Variants in KDM2A observed in about 807,000 individuals in gnomAD.
The protein encoded by KDM2A is lysine demethylase 2A.
A neutral mutation model predicts 137.3 loss-of-function variants in KDM2A; 3 were observed. The observed-to-expected ratio is 0.02, with a 90% CI of 0.01 to 0.06. KDM2A has a LOEUF of 0.06. KDM2A is among the 10% of genes least tolerant of loss of function. The pLI, the probability that KDM2A is intolerant of heterozygous loss-of-function variation, is 1.00. For missense variants in KDM2A, 738 were observed against 1,510.6 expected (o/e 0.49, Z 8.48); for synonymous variants, 512 against 541.5 (o/e 0.95, Z 0.76).
In KDM2A at chr11:67,255,243, C is replaced by T. The variant is rs375833360; in HGVS notation, c.*188C>T. 3.5e-4 allele frequency: 213 copies of T among 601,756 alleles called. 6 individuals are homozygous for T. The South Asian group carries it at 4.0e-3, about 11-fold the overall frequency. The allele number at this position is 601,756 out of a possible 1,614,324, so 37.3% of individuals were successfully genotyped here. On this transcript the variant is annotated 3_prime_UTR_variant, in exon 21 of 21. Coordinates refer to ENST00000529006, the MANE Select transcript of KDM2A (RefSeq NM_012308.3). The stretch of plus-strand genomic sequence containing the variant: ...TGGACACCAGGCTTATCTGCCTGCT[C>T]CTCTCCCTCCTAAGGAAAAGGGAGT...
chr11:67,186,805 T>C (rs1375338785), intron 5 of KDM2A, among the ~76,000 whole-genome samples: 2 of 152,204 alleles, frequency 1.3e-5, no homozygotes, highest in African/African-American at 4.8e-5. Flanking sequence ...TAGTGGTATA[T>C]GCCTGTAATC....
intron 2 of KDM2A, among the ~76,000 whole-genome samples, chr11:67,178,620 A>C (rs1211077776): frequency 6.6e-6 from 1 of 152,132 alleles, no homozygotes; most frequent in Non-Finnish European, 1.5e-5. Context: ...TAGACATTTT[A>C]TTTAAATGAA....
chr11:67,203,524 TAATA>T (rs1210197327), intron 5 of KDM2A, among the ~76,000 whole-genome samples: 8 of 147,732 alleles, frequency 5.4e-5, no homozygotes, highest in African/African-American at 1.5e-4. Flanking sequence ...ATAAAATATA[TAATA>T]AATAAGTAGT....
At chr11:67,130,257 C>T (rs1219759388) in intron 2 of KDM2A, among the ~76,000 whole-genome samples, 1 of 152,048 alleles carries the variant, frequency 6.6e-6, no homozygotes, top group Non-Finnish European at 1.5e-5. Flanking sequence ...GTCTGAGTCA[C>T]GGCACCTGAC....
At chr11:67,163,653 C>T (rs901714464) in intron 2 of KDM2A, among the ~76,000 whole-genome samples, 4 of 152,010 alleles carry the variant, frequency 2.6e-5, no homozygotes, top group East Asian at 1.9e-4. Flanking sequence ...GTCAAGAGAT[C>T]GAGATCATCC....
chr11:67,180,297 A>C (rs1857062069), intron 3 of KDM2A, 80 bp downstream of exon 3: 1 of 1,423,350 alleles, frequency 7.0e-7, no homozygotes, highest in Non-Finnish European at 9.5e-7. Context: ...TTTAGCCTTT[A>C]TCCAGCTAAA....
At chr11:67,186,628 C>T (rs989634516) in intron 5 of KDM2A, among the ~76,000 whole-genome samples, 1 of 152,160 alleles carries the variant, frequency 6.6e-6, no homozygotes, top group African/African-American at 2.4e-5. Context: ...TTAACAATGG[C>T]TTTTAACTCC....
intron 2 of KDM2A, among the ~76,000 whole-genome samples, chr11:67,158,705 C>T (rs1158025207): frequency 4.6e-5 from 7 of 152,176 alleles, no homozygotes; most frequent in East Asian, 1.9e-4. Flanking sequence ...CTATGTTACC[C>T]GGGCTGGTCT....
chr11:67,255,519 A>G lies in KDM2A; in HGVS notation c.*464A>G, dbSNP rs1379789301. 4.4e-6 allele frequency: 2 copies of G among 455,890 alleles called. No individual in the cohort carries two copies. Among genetic ancestry groups the G allele is most frequent in the Admixed American group, 2.4e-5 (1 of 42,494 alleles). The allele number at this position is 455,890 out of a possible 1,614,324, so 28.2% of individuals were successfully genotyped here. Reference sequence around the variant, plus strand: ...CCAGTGCGCGTCTCTCCTCCATCACACTCTCCCGGCTTGCGCAGGAGGGGC... The same window carrying G: ...CCAGTGCGCGTCTCTCCTCCATCACGCTCTCCCGGCTTGCGCAGGAGGGGC... On this transcript the variant is annotated 3_prime_UTR_variant, in exon 21 of 21. Coordinates refer to ENST00000529006, the MANE Select transcript of KDM2A (RefSeq NM_012308.3).
intron 2 of KDM2A, among the ~76,000 whole-genome samples, chr11:67,141,196 T>C (rs1856090543): frequency 6.6e-6 from 1 of 152,068 alleles, no homozygotes; most frequent in African/African-American, 2.4e-5. Flanking sequence ...CCCTTATTAT[T>C]TAACCATTTC....
At chr11:67,180,441 G>T in intron 3 of KDM2A, 1 of 384,728 alleles carries the variant, frequency 2.6e-6, no homozygotes, top group Non-Finnish European at 4.6e-6. Flanking sequence ...TAGGGCAGGA[G>T]TATTGTTGGA....
intron 8 of KDM2A, 37 bp downstream of exon 8, chr11:67,215,986 G>A (rs1008944802): frequency 6.5e-7 from 1 of 1,539,702 alleles, no homozygotes; most frequent in African/African-American, 1.4e-5. Context: ...GGAATCTGAA[G>A]TTGGTTGTAT....
At chr11:67,127,469 C>CA (rs922499050) in intron 2 of KDM2A, among the ~76,000 whole-genome samples, 30 of 147,174 alleles carry the variant, frequency 2.0e-4, no homozygotes, top group African/African-American at 4.8e-4. Context: ...TTTCACCTAG[C>CA]AAAAAAAAAT....
At chr11:67,145,821 CCTCT>C (rs1251197213) in intron 2 of KDM2A, among the ~76,000 whole-genome samples, 1 of 151,620 alleles carries the variant, frequency 6.6e-6, no homozygotes, top group Admixed American at 6.6e-5. Context: ...CATTTTCCTT[CCTCT>C]CTAACTCTGC....
At chr11:67,170,803 G>A (rs1483434721) in intron 2 of KDM2A, among the ~76,000 whole-genome samples, 1 of 152,060 alleles carries the variant, frequency 6.6e-6, no homozygotes. Flanking sequence ...CATTTAAGCT[G>A]TATCTGAGGT....
intron 17 of KDM2A, 45 bp from the exon 18 acceptor site, chr11:67,252,649 A>G: frequency 6.2e-7 from 1 of 1,608,878 alleles, no homozygotes; most frequent in Non-Finnish European, 8.5e-7. Flanking sequence ...TGGGAGCTCC[A>G]CTGATCAAGT....
intron 2 of KDM2A, among the ~76,000 whole-genome samples, chr11:67,121,785 G>A (rs947259734): frequency 6.6e-6 from 1 of 152,166 alleles, no homozygotes; most frequent in African/African-American, 2.4e-5. Flanking sequence ...GACTTTGAGC[G>A]GGGAGAACTA....
Position 67,231,733 on chromosome 11 carries a change from A to G in KDM2A, c.1252A>G (p.Lys418Glu). The G allele has an allele frequency of 6.2e-7, 1 of 1,614,032 alleles. No homozygotes were observed. Among genetic ancestry groups the G allele is most frequent in the Non-Finnish European group, 8.5e-7 (1 of 1,179,896 alleles). Residue 418 changes from lysine (K) to glutamate (E), a missense_variant, in exon 12 of 21, where the codon AAG becomes GAG. Lys to Glu is a moderately conservative substitution (Grantham distance 56). This residue lies in a region of KDM2A where 113 missense variants were observed against 133.5 expected (regional missense o/e 0.85). Transcript: ENST00000529006. ...AACCTGCCGAAGTCTTCCAAGTCTG[A>G]AGAAAACTTTGGCTGGGGACTCATC... The part of the protein sequence containing the change: ...GKTCRSLPSL[K>E]KTLAGDSSSD...
At chr11:67,200,642 G>T (rs775843110) in intron 5 of KDM2A, among the ~76,000 whole-genome samples, 2 of 151,932 alleles carry the variant, frequency 1.3e-5, no homozygotes, top group Admixed American at 1.3e-4. Flanking sequence ...CCTTTAGCTG[G>T]GACTACAAGC....
Sources: gnomAD v4.1 joint callset for allele counts (sites outside exome capture counted in the v4.1 genomes callset) on GRCh38, gnomAD v4.1.1 for gene constraint, gnomAD v4.1.1 regional missense constraint, MANE v1.5 for transcripts, NCBI Gene and HGNC (gene_info 2026-07-23, HGNC 2026-07-21) for gene names.